Variants in JAZF1 observed in about 807,000 individuals in gnomAD.
JAZF1 encodes the protein JAZF zinc finger 1.
Under a neutral mutation model 26.4 loss-of-function variants are expected in JAZF1, and 8 were observed. That is an observed-to-expected ratio of 0.30 (90% confidence interval 0.18 to 0.55). The LOEUF is 0.55. Among genes scored for constraint, JAZF1 ranks in the 20% least tolerant of loss-of-function variants. JAZF1 has a pLI of 0.94. For synonymous variants in JAZF1, 126 were observed against 122.3 expected, an observed-to-expected ratio of 1.03 and a Z score of -0.20; for missense variants, 199 against 322.0, an observed-to-expected ratio of 0.62 and a Z score of 2.92.
intron 1 of JAZF1, among the ~76,000 whole-genome samples, chr7:28,013,769 A>AG (rs1206795819): frequency 6.6e-6 from 1 of 152,116 alleles, no homozygotes; most frequent in Non-Finnish European, 1.5e-5. Flanking sequence ...CAGAGAGACC[A>AG]GGGCTGAGGA....
intron 1 of JAZF1, among the ~76,000 whole-genome samples, chr7:28,047,219 G>C (rs1583528954): frequency 6.6e-6 from 1 of 152,142 alleles, no homozygotes; most frequent in Non-Finnish European, 1.5e-5. Context: ...ATGTACACAT[G>C]GATCTCTTTA....
chr7:27,850,385 C>T (rs1272650490), intron 3 of JAZF1, among the ~76,000 whole-genome samples: 1 of 152,204 alleles, frequency 6.6e-6, no homozygotes, highest in African/African-American at 2.4e-5. Flanking sequence ...TCATTCTCCC[C>T]TGTCTCCTCC....
At chr7:28,019,285 C>T (rs1375732890) in intron 1 of JAZF1, among the ~76,000 whole-genome samples, 1 of 152,200 alleles carries the variant, frequency 6.6e-6, no homozygotes, top group African/African-American at 2.4e-5. Context: ...CACCTGTCCT[C>T]CTTGGACCAG....
intron 1 of JAZF1, among the ~76,000 whole-genome samples, chr7:28,033,749 T>C (rs923326797): frequency 2.0e-5 from 3 of 152,126 alleles, no homozygotes; most frequent in Non-Finnish European, 4.4e-5. Flanking sequence ...GAACTCTTTT[T>C]TGGGGGGGCA....
chr7:27,833,138 TGTCG>T (rs2073954426), intron 4 of JAZF1, 162 bp from the exon 5 acceptor site: 1 of 502,432 alleles, frequency 2.0e-6, no homozygotes, highest in East Asian at 3.2e-5. Context: ...CATTCTGGTG[TGTCG>T]GTCATGGGCT....
intron 4 of JAZF1, among the ~76,000 whole-genome samples, chr7:27,839,344 C>T (rs976987292): frequency 2.0e-5 from 3 of 152,150 alleles, no homozygotes; most frequent in Admixed American, 2.0e-4. Flanking sequence ...CAGCCCCAGC[C>T]CAGGCAGTGG....
intron 1 of JAZF1, among the ~76,000 whole-genome samples, chr7:28,057,977 T>A (rs767665151): frequency 1.4e-4 from 22 of 152,204 alleles, no homozygotes; most frequent in Non-Finnish European, 2.5e-4. Flanking sequence ...ATCCTTCCAT[T>A]TTCTGAGGGG....
At chr7:28,167,740 T>A (rs1252264284) in intron 1 of JAZF1, among the ~76,000 whole-genome samples, 1 of 152,200 alleles carries the variant, frequency 6.6e-6, no homozygotes, top group African/African-American at 2.4e-5. Flanking sequence ...ATAATCTTAA[T>A]ACACTTTTAG....
chr7:28,055,682 A>G (rs1305461914), intron 1 of JAZF1, among the ~76,000 whole-genome samples: 3 of 152,218 alleles, frequency 2.0e-5, no homozygotes, highest in African/African-American at 7.2e-5. Flanking sequence ...TGTATTCACC[A>G]ATGTATCTCT....
At chr7:28,031,593 T>C (rs1238482334) in intron 1 of JAZF1, among the ~76,000 whole-genome samples, 1 of 152,166 alleles carries the variant, frequency 6.6e-6, no homozygotes, top group Non-Finnish European at 1.5e-5. Flanking sequence ...ACTTTTTCAC[T>C]TAGAAAATGG....
Position 28,092,290 on chromosome 7 carries a change from C to CAAAAAAAA in JAZF1, c.115+88165_115+88172dup, listed in dbSNP as rs749913273. ...AACATCCCATTTCAGGGACAAAAGG[C>CAAAAAAAA]AAAAAAAAAAAAAAAAAAAAAAAAA... On this transcript the variant is annotated intron_variant, in intron 1 of 4. Coordinates refer to ENST00000283928, the MANE Select transcript of JAZF1 (RefSeq NM_175061.4). 7.7e-3 allele frequency among the ~76,000 whole-genome samples: 98 copies of CAAAAAAAA among 12,798 alleles called. 36 individuals carry two copies. The highest frequency in any genetic ancestry group is 0.013 in the Non-Finnish European group (69 of 5,182). 8.4% of individuals were successfully genotyped at this position (12,798 alleles called of 152,430 possible).
chr7:28,133,331 G>A (rs1191973188), intron 1 of JAZF1, among the ~76,000 whole-genome samples: 1 of 152,166 alleles, frequency 6.6e-6, no homozygotes, highest in African/African-American at 2.4e-5. Context: ...TCAGAAAATG[G>A]AGTGCTACAG....
chr7:27,943,204 A>G (rs1018339304), intron 2 of JAZF1, among the ~76,000 whole-genome samples: 1 of 152,176 alleles, frequency 6.6e-6, no homozygotes, highest in Admixed American at 6.5e-5. Flanking sequence ...AACCCCTATT[A>G]AAACACAGAT....
intron 1 of JAZF1, among the ~76,000 whole-genome samples, chr7:28,038,226 G>C (rs1181696914): frequency 6.6e-6 from 1 of 152,108 alleles, no homozygotes; most frequent in East Asian, 1.9e-4. Flanking sequence ...TATTATATTA[G>C]AGTAATTCAG....
At chr7:27,879,948 G>T (rs1783741232) in intron 3 of JAZF1, among the ~76,000 whole-genome samples, 1 of 152,116 alleles carries the variant, frequency 6.6e-6, no homozygotes, top group Non-Finnish European at 1.5e-5. Flanking sequence ...TTTCAGTCCT[G>T]CCATCTTTCC....
At chr7:28,038,154 G>A (rs780364341) in intron 1 of JAZF1, among the ~76,000 whole-genome samples, 5 of 152,176 alleles carry the variant, frequency 3.3e-5, no homozygotes, top group Non-Finnish European at 5.9e-5. Flanking sequence ...AAGAACAGAG[G>A]AGAATGGGAA....
chr7:28,128,322 G>A (rs1291142601), intron 1 of JAZF1, among the ~76,000 whole-genome samples: 3 of 152,282 alleles, frequency 2.0e-5, no homozygotes, highest in East Asian at 1.9e-4. Context: ...AGGAGTTTGA[G>A]ACCAGCCTGG....
chr7:27,942,841 AAGGCAGCAGGGCAGG>A (rs1376010803), intron 2 of JAZF1, among the ~76,000 whole-genome samples: 1 of 152,206 alleles, frequency 6.6e-6, no homozygotes, highest in East Asian at 1.9e-4. Context: ...ACAAACTGCA[AAGGCAGCAGGGCAGG>A]AGGCAGGTCT....
At chr7:27,890,938 A>C (rs1783965542) in intron 3 of JAZF1, among the ~76,000 whole-genome samples, 1 of 151,986 alleles carries the variant, frequency 6.6e-6, no homozygotes, top group Non-Finnish European at 1.5e-5. Context: ...TACAGGCGTG[A>C]GCCACCACAC....
Sources: allele counts gnomAD v4.1 joint callset (sites outside exome capture counted in the v4.1 genomes callset), GRCh38; gene constraint gnomAD v4.1.1; transcripts MANE v1.5; gene names NCBI Gene and HGNC (gene_info 2026-07-23, HGNC 2026-07-21).